Variants in SMARCC2 observed in about 807,000 individuals in gnomAD.
SMARCC2 encodes the protein SWI/SNF complex subunit SMARCC2.
Under a neutral mutation model 151.3 loss-of-function variants are expected in SMARCC2, and 15 were observed. The ratio of observed to expected loss-of-function variants is 0.10; its 90% confidence interval spans 0.07 to 0.15. The LOEUF (loss-of-function observed/expected upper bound fraction) is 0.15, where lower values mean the gene tolerates loss of function less well. Among genes scored for constraint, SMARCC2 ranks in the 10% least tolerant of loss-of-function variants. The probability of loss-of-function intolerance (pLI) is 1.00; values close to 1 mark genes in which losing one functional copy is unlikely to be tolerated. For missense variants in SMARCC2, 1,031 were observed against 1,599.7 expected (o/e 0.64, Z 6.06); for synonymous variants, 590 against 609.5 (o/e 0.97, Z 0.47).
chr12:56,173,672 C>CA, intron 17 of SMARCC2, 24 bp downstream of exon 17: 1 of 1,586,260 alleles, frequency 6.3e-7, no homozygotes, highest in Non-Finnish European at 8.6e-7. Flanking sequence ...CAACCCGCCC[C>CA]ATCCCCATAG....
chr12:56,178,783 G>T, intron 13 of SMARCC2, 27 bp downstream of exon 13: 1 of 1,605,644 alleles, frequency 6.2e-7, no homozygotes, highest in Non-Finnish European at 8.5e-7. Context: ...CACATAGAGA[G>T]GTAGGGCCTC....
intron 7 of SMARCC2, among the ~76,000 whole-genome samples, chr12:56,182,840 C>CTTTTTTTTT (rs1275665985): frequency 7.5e-6 from 1 of 134,176 alleles, no homozygotes; most frequent in Non-Finnish European, 1.6e-5. Flanking sequence ...ATTTTACATG[C>CTTTTTTTTT]TTTTTTTTTT....
At chr12:56,180,624 G>C (rs1034480718) in intron 11 of SMARCC2, among the ~76,000 whole-genome samples, 1 of 148,540 alleles carries the variant, frequency 6.7e-6, no homozygotes, top group African/African-American at 2.5e-5. Context: ...GGCTGGTCTC[G>C]AATTCCTGAC....
chr12:56,168,090 C>T lies in SMARCC2; in HGVS notation c.2820G>A (p.Leu940=). ...LEIKLRHFEE[L]ETIMDREREA... is the part of the protein sequence containing the mutation. ...CTCGCTCCCGGTCCATGATAGTCTC[C>T]AGCTCCTCAAAGTGCCGAAGTTTGA... The change falls in exon 26 of 29, where the codon CTG becomes CTA. Residue 940 remains leucine, a synonymous_variant. Coordinates refer to ENST00000550164, the MANE Select transcript of SMARCC2 (RefSeq NM_001330288.2). 6.2e-7 allele frequency: 1 copy of T among 1,614,044 alleles called. No homozygotes were observed. Among genetic ancestry groups the T allele is most frequent in the Non-Finnish European group, 8.5e-7 (1 of 1,180,016 alleles).
intron 1 of SMARCC2, 80 bp from the exon 2 acceptor site, chr12:56,187,386 C>G: frequency 7.3e-7 from 1 of 1,378,662 alleles, no homozygotes; most frequent in Non-Finnish European, 1.0e-6. Flanking sequence ...CCCCCAGGGG[C>G]TCTGGAAGCA....
chr12:56,172,165 T>C (rs1252609168), intron 20 of SMARCC2: 10 of 560,550 alleles, frequency 1.8e-5, no homozygotes, highest in Non-Finnish European at 3.1e-5. Flanking sequence ...CACTGGAGCC[T>C]TGACCTCCTA....
At chr12:56,186,986 C>T in intron 2 of SMARCC2, 1 of 499,006 alleles carries the variant, frequency 2.0e-6, no homozygotes, top group South Asian at 2.4e-5. Context: ...ATTTGTTGCA[C>T]AAAATATTAC....
intron 2 of SMARCC2, chr12:56,186,504 C>T (rs1877285106): frequency 2.4e-6 from 1 of 424,454 alleles, no homozygotes; most frequent in Non-Finnish European, 4.3e-6. Flanking sequence ...GCATGAGCCA[C>T]CACACCCGGC....
chr12:56,180,459 A>G (rs2135728565), intron 11 of SMARCC2, among the ~76,000 whole-genome samples: 2 of 147,580 alleles, frequency 1.4e-5, no homozygotes, highest in Admixed American at 1.4e-4. Flanking sequence ...GCTGGAGTGC[A>G]GTGGTACAAT....
In SMARCC2 at chr12:56,181,601, T is replaced by C. The variant is rs973170760; in HGVS notation, c.841-4A>G. ...GATCTGAATCTGGGCTGTTCACCTATAGGATGGAGAATCAGGACAAATGTC... is the reference window on the plus strand; with the variant it reads ...GATCTGAATCTGGGCTGTTCACCTACAGGATGGAGAATCAGGACAAATGTC... On this transcript the variant is annotated splice_region_variant and splice_polypyrimidine_tract_variant and intron_variant, in intron 9 of 28. Transcript: ENST00000550164. 1.6e-5 allele frequency: 26 copies of C among 1,605,252 alleles called. No homozygotes were observed. The highest frequency in any genetic ancestry group is 6.7e-5 in the East Asian group (3 of 44,848).
intron 16 of SMARCC2, 56 bp from the exon 17 acceptor site, chr12:56,173,905 G>A: frequency 6.5e-7 from 1 of 1,533,108 alleles, no homozygotes; most frequent in Middle Eastern, 1.7e-4. Context: ...GGTGCACGAG[G>A]AAGAGGAAAA....
Position 56,165,354 on chromosome 12 carries a change from C to T in SMARCC2, c.3196G>A (p.Ala1066Thr). Reference protein sequence around the residue: ...QQPAGAPQPGAVPPGVPPPGP... With the variant: ...QQPAGAPQPGTVPPGVPPPGP... ...GGGGGGGGAACCCCTGGTGGGACTG[C>T]CCCAGGCTGGGGGGCTCCAGCTGGT... The change falls in exon 27 of 29, where the codon GCA (alanine) becomes ACA (threonine). Residue 1066 changes from alanine (A) to threonine (T), a missense_variant. Physicochemically the swap from Ala to Thr is moderately conservative, Grantham distance 58. Transcript: ENST00000550164. 1 of 1,504,856 alleles carries T rather than the reference C, an allele frequency of 6.6e-7. No individual in the cohort carries two copies. The highest frequency in any genetic ancestry group is 1.4e-5 in the South Asian group (1 of 73,706). 93.2% of individuals were successfully genotyped at this position (1,504,856 alleles called of 1,614,324 possible).
chr12:56,167,354 A>C (rs939201134), intron 26 of SMARCC2, among the ~76,000 whole-genome samples: 1 of 152,082 alleles, frequency 6.6e-6, no homozygotes, highest in African/African-American at 2.4e-5. Flanking sequence ...GTCTCAAATA[A>C]ATAAATAAAT....
chr12:56,169,819 G>A lies in SMARCC2; in HGVS notation c.2505C>T (p.Gly835=), dbSNP rs190014079. ...PKKDEEKGKE[G]DSEKESEKSD... ...TCTTCTCGGACTCCTTCTCACTGTC[G>A]CCTTCTTTCCCTTTCTCCTCATCCT... The change falls in exon 24 of 29, where the codon GGC becomes GGT. Residue 835 remains glycine, a synonymous_variant. Coordinates refer to ENST00000550164, the MANE Select transcript of SMARCC2 (RefSeq NM_001330288.2). 201 of 1,613,876 alleles carry A rather than the reference G, an allele frequency of 1.2e-4. No homozygotes were observed. The highest frequency in any genetic ancestry group is 3.2e-4 in the Admixed American group (19 of 59,994).
At position 56,184,185 on chromosome 12, in the gene SMARCC2, A is replaced by G; in HGVS notation, c.552T>C (p.Asn184=). ...AAACCCAGGTCTCACCTTCTTCTAG[A>G]TTCCCCGGGACAGGATACACAACAT... is the stretch of plus-strand genomic sequence containing the variant. ...ASHVVYPVPG[N]LEEEEWVRPV... Residue 184 remains asparagine, a synonymous_variant, in exon 6 of 29, where the codon AAT becomes AAC. Transcript: ENST00000550164. 6.2e-7 allele frequency: 1 copy of G among 1,613,224 alleles called. No individual in the cohort carries two copies.
chr12:56,174,513 C>A (rs1247152380), intron 16 of SMARCC2, 138 bp downstream of exon 16: 21 of 628,850 alleles, frequency 3.3e-5, no homozygotes, highest in Middle Eastern at 4.5e-4. Flanking sequence ...ATTCCCCAAA[C>A]CTGTACTTCA....
At chr12:56,177,242 C>G (rs536623228) in intron 15 of SMARCC2, among the ~76,000 whole-genome samples, 1 of 152,274 alleles carries the variant, frequency 6.6e-6, no homozygotes, top group South Asian at 2.1e-4. Flanking sequence ...CCACACCCAG[C>G]CTTGTTCATT....
chr12:56,186,308 C>CTAA, intron 2 of SMARCC2, 68 bp from the exon 3 acceptor site: 1 of 893,650 alleles, frequency 1.1e-6, no homozygotes, highest in Non-Finnish European at 1.9e-6. Flanking sequence ...ACTTAATAAT[C>CTAA]TAATAATCCT....
At chr12:56,174,208 C>T (rs1220957726) in intron 16 of SMARCC2, among the ~76,000 whole-genome samples, 1 of 152,194 alleles carries the variant, frequency 6.6e-6, no homozygotes, top group Non-Finnish European at 1.5e-5. Flanking sequence ...CTCCAGGGCT[C>T]AGGGGATCCT....
Sources: allele counts gnomAD v4.1 joint callset (sites outside exome capture counted in the v4.1 genomes callset), GRCh38; gene constraint gnomAD v4.1.1; transcripts MANE v1.5; gene names NCBI Gene and HGNC (gene_info 2026-07-23, HGNC 2026-07-21).